The following ZNF292 variants were observed in gnomAD, a reference collection of about 807,000 sequenced individuals.
ZNF292 encodes the protein 16 zinc-finger domain protein.
Under a neutral mutation model 217.9 loss-of-function variants are expected in ZNF292, and 26 were observed. The observed-to-expected ratio is 0.12, with a 90% CI of 0.09 to 0.17. The LOEUF is 0.17. ZNF292 is among the 10% of genes least tolerant of loss of function. ZNF292 has a pLI of 1.00. For synonymous variants in ZNF292, 1,257 were observed against 1,124.1 expected (o/e 1.12, Z -2.37); for missense variants, 2,904 against 3,175.2 (o/e 0.91, Z 2.05).
At chr6:87,225,188 C>A (rs768082929) in intron 4 of ZNF292, among the ~76,000 whole-genome samples, 1 of 152,050 alleles carries the variant, frequency 6.6e-6, no homozygotes, top group African/African-American at 2.4e-5. Context: ...AGATCTCTTG[C>A]CTATTTCTTA....
chr6:87,159,401 G>A (rs1158358415), intron 1 of ZNF292, among the ~76,000 whole-genome samples: 2 of 150,838 alleles, frequency 1.3e-5, no homozygotes, highest in Non-Finnish European at 2.9e-5. Context: ...TTGAGAGATG[G>A]GGTCTTGCTA....
intron 1 of ZNF292, chr6:87,173,970 G>A: frequency 1.2e-5 from 3 of 259,666 alleles, no homozygotes; most frequent in Non-Finnish European, 1.6e-5. Flanking sequence ...CTGGTTCAGG[G>A]CAGAAAATAA....
rs758455764 is a variant in ZNF292, at chr6:87,255,226, C to T, written c.1597C>T (p.Arg533Trp). ...AAGAGAGAGGGGATTTATATCTGCT[C>T]GGTTTAGGAATTGGCAAGCCTACAT... is the stretch of plus-strand genomic sequence containing the variant. ...QLRERGFISA[R>W]FRNWQAYMQY... The change falls in exon 8 of 8, where the codon CGG (arginine) becomes TGG (tryptophan). Residue 533 changes from arginine to tryptophan, a missense_variant. Around this residue, in one of 15 missense-constraint regions of ZNF292, gnomAD observed 87 missense variants for 99.6 expected, o/e 0.87. Transcript: ENST00000369577. 5.0e-6 allele frequency: 8 copies of T among 1,613,760 alleles called. No individual in the cohort carries two copies. Among genetic ancestry groups the T allele is most frequent in the Non-Finnish European group, 5.9e-6 (7 of 1,179,832 alleles).
chr6:87,214,265 G>T (rs1772631394), intron 1 of ZNF292, among the ~76,000 whole-genome samples: 2 of 152,106 alleles, frequency 1.3e-5, no homozygotes, highest in Admixed American at 6.5e-5. Flanking sequence ...TGCCAAGAGG[G>T]TACAGAAACA....
intron 1 of ZNF292, among the ~76,000 whole-genome samples, chr6:87,197,759 C>A (rs1291167411): frequency 8.9e-6 from 1 of 112,346 alleles, no homozygotes; most frequent in African/African-American, 3.7e-5. Flanking sequence ...TTCATTAGAG[C>A]CTGAGTTAGT....
In ZNF292 at chr6:87,237,960, A is replaced by G. The variant is rs996129014; in HGVS notation, c.741+4433A>G. Among the ~76,000 whole-genome samples, 68 of 152,312 alleles carry G rather than the reference A, an allele frequency of 4.5e-4. 1 individual carries two copies. The highest frequency in any genetic ancestry group is 1.6e-3 in the African/African-American group (67 of 41,556). ...TTTAATTAGTAATTTACTACTTTGT[A>G]TATGACTTCCTTATTCCTGCATTCT... is the stretch of plus-strand genomic sequence containing the variant. On this transcript the variant is annotated intron_variant, in intron 5 of 7. Transcript: ENST00000369577.
chr6:87,233,280 A>G, intron 4 of ZNF292, 45 bp from the exon 5 acceptor site: 1 of 1,400,692 alleles, frequency 7.1e-7, no homozygotes. Flanking sequence ...TTGCAAATGA[A>G]TTATTACCAA....
intron 1 of ZNF292, among the ~76,000 whole-genome samples, chr6:87,185,814 A>G (rs1771629905): frequency 6.6e-6 from 1 of 151,924 alleles, no homozygotes; most frequent in African/African-American, 2.4e-5. Context: ...AACATTTGCT[A>G]ATTTATTATA....
At chr6:87,160,329 T>C (rs2127768276) in intron 1 of ZNF292, among the ~76,000 whole-genome samples, 1 of 152,294 alleles carries the variant, frequency 6.6e-6, no homozygotes, top group African/African-American at 2.4e-5. Flanking sequence ...TGTTGGAGTA[T>C]GATATTTGCT....
Position 87,261,084 on chromosome 6 carries a change from A to T in ZNF292, c.7455A>T (p.Thr2485=). ...KNEKDEMDEL[T]ELFITKLINE... The stretch of plus-strand genomic sequence containing the variant: ...AAAAAGATGAAATGGATGAACTAAC[A>T]GAATTGTTTATTACAAAATTAATAA... The change falls in exon 8 of 8, where the codon ACA becomes ACT. Residue 2485 remains threonine (T), a synonymous_variant. Transcript: ENST00000369577. 6.2e-7 allele frequency: 1 copy of T among 1,609,826 alleles called. No individual in the cohort carries two copies. Among genetic ancestry groups the T allele is most frequent in the Middle Eastern group, 1.7e-4 (1 of 6,052 alleles).
At chr6:87,222,787 C>T (rs956970932) in intron 4 of ZNF292, 3 of 452,474 alleles carry the variant, frequency 6.6e-6, no homozygotes, top group African/African-American at 6.0e-5. Context: ...TCCAGGATAC[C>T]ACATTACATT....
chr6:87,161,616 A>G (rs1320590150), intron 1 of ZNF292, among the ~76,000 whole-genome samples: 2 of 152,158 alleles, frequency 1.3e-5, no homozygotes, highest in Non-Finnish European at 2.9e-5. Context: ...AGATCTCCCT[A>G]CATTGCCCAG....
intron 7 of ZNF292, among the ~76,000 whole-genome samples, chr6:87,252,749 T>G (rs1269105434): frequency 1.3e-5 from 2 of 152,210 alleles, no homozygotes; most frequent in Non-Finnish European, 2.9e-5. Context: ...AGCAGCCCCT[T>G]AAGGCATGTA....
intron 1 of ZNF292, among the ~76,000 whole-genome samples, chr6:87,209,748 T>G (rs1390232012): frequency 6.6e-6 from 1 of 152,206 alleles, no homozygotes; most frequent in Non-Finnish European, 1.5e-5. Context: ...TGTGATGGGT[T>G]TATTGTTATT....
intron 1 of ZNF292, among the ~76,000 whole-genome samples, chr6:87,171,522 TAC>T (rs1187749728): frequency 2.6e-5 from 4 of 152,158 alleles, no homozygotes; most frequent in African/African-American, 4.8e-5. Flanking sequence ...GTGCTAGAAT[TAC>T]AGAGTAATTG....
At position 87,254,767 on chromosome 6, in the gene ZNF292, C is replaced by G; in HGVS notation, c.1138C>G (p.Pro380Ala). Residue 380 changes from proline to alanine, a missense_variant, in exon 8 of 8, where the codon CCT becomes GCT. This residue lies in a region of ZNF292 where 313 missense variants were observed against 451.0 expected (regional missense o/e 0.69). Coordinates refer to ENST00000369577, the MANE Select transcript of ZNF292 (RefSeq NM_015021.3). ...TTGCAAGACCATTTCATGTTTGTTG[C>G]CTGATGATCTGGAAGTTAAACGTGC... ...SICKTISCLL[P>A]DDLEVKRACQ... The G allele has an allele frequency of 6.2e-7, 1 of 1,613,894 alleles. No homozygotes were observed. Among genetic ancestry groups the G allele is most frequent in the Non-Finnish European group, 8.5e-7 (1 of 1,179,828 alleles).
At position 87,186,483 on chromosome 6, in the gene ZNF292, A is replaced by G. The variant is rs539931713; in HGVS notation, c.169-29420A>G. ...CATCTTCACTCAAACCTATTCCTTC[A>G]ATATAGGAGAGCTCAGTTAGCTGCT... is the stretch of plus-strand genomic sequence containing the variant. On this transcript the variant is annotated intron_variant, in intron 1 of 7. Coordinates refer to ENST00000369577, the MANE Select transcript of ZNF292 (RefSeq NM_015021.3). 2.6e-5 allele frequency among the ~76,000 whole-genome samples: 4 copies of G among 152,310 alleles called. 1 individual carries two copies. The South Asian group carries it at 8.3e-4, about 32-fold the overall frequency.
chr6:87,259,143 G>A lies in ZNF292; in HGVS notation c.5514G>A (p.Gln1838=). ...SEVSHKEDQI[Q]EILEGLQKLK... ...TATCACATAAGGAGGATCAAATACA[G>A]GAAATTTTAGAAGGCTTACAGAAAT... Residue 1838 remains glutamine, a synonymous_variant, in exon 8 of 8, where the codon CAG becomes CAA. Coordinates refer to ENST00000369577, the MANE Select transcript of ZNF292 (RefSeq NM_015021.3). 1.9e-6 allele frequency: 3 copies of A among 1,613,324 alleles called. No homozygotes were observed. The highest frequency in any genetic ancestry group is 2.5e-6 in the Non-Finnish European group (3 of 1,179,642).
At position 87,262,340 on chromosome 6, in the gene ZNF292, T is replaced by C. The variant is rs1175629819; in HGVS notation, c.*539T>C. The stretch of plus-strand genomic sequence containing the variant: ...AAACCAGAAACTCTGCCATAGTTCA[T>C]TGATTTTTACATGAAACATTTATTT... On this transcript the variant is annotated 3_prime_UTR_variant, in exon 8 of 8. Transcript: ENST00000369577. 6.6e-6 allele frequency: 1 copy of C among 152,102 alleles called. No individual in the cohort carries two copies. Among genetic ancestry groups the C allele is most frequent in the Non-Finnish European group, 1.5e-5 (1 of 67,968 alleles). 9.4% of individuals were successfully genotyped at this position (152,102 alleles called of 1,614,324 possible). A position where few individuals can be genotyped will look rare whatever the true frequency, so the allele number is the denominator to read the frequency against.
Sources: allele counts gnomAD v4.1 joint callset (sites outside exome capture counted in the v4.1 genomes callset), GRCh38; gene constraint gnomAD v4.1.1; regional missense constraint gnomAD v4.1.1; transcripts MANE v1.5; gene names NCBI Gene and HGNC (gene_info 2026-07-23, HGNC 2026-07-21).